The following PACSIN2 variants were observed in gnomAD, a reference collection of about 807,000 sequenced individuals.
The protein encoded by PACSIN2 is protein kinase C and casein kinase substrate in neurons protein 2.
In PACSIN2, 25 loss-of-function variants were observed where a neutral mutation model predicts 63.8. The ratio of observed to expected loss-of-function variants is 0.39; its 90% CI spans 0.29 to 0.55. PACSIN2 has a LOEUF of 0.55. Ranked by LOEUF, PACSIN2 falls within the 20% of genes least tolerant of loss-of-function variation. The pLI, the probability that PACSIN2 is intolerant of heterozygous loss-of-function variation, is 0.62. For missense variants in PACSIN2, 518 were observed against 646.9 expected (o/e 0.80, Z 2.16); for synonymous variants, 255 against 256.2 (o/e 1.00, Z 0.05).
intron 1 of PACSIN2, among the ~76,000 whole-genome samples, chr22:42,969,410 T>C (rs1401078182): frequency 6.6e-6 from 1 of 152,198 alleles, no homozygotes; most frequent in Non-Finnish European, 1.5e-5. Flanking sequence ...TGTTAAGGAA[T>C]ATTATTATTA....
intron 1 of PACSIN2, among the ~76,000 whole-genome samples, chr22:42,963,407 A>G (rs1012015483): frequency 6.6e-6 from 1 of 152,198 alleles, no homozygotes; most frequent in African/African-American, 2.4e-5. Context: ...GCGGCAAACA[A>G]CACGCAGGGC....
chr22:43,013,112 T>A (rs939421961), intron 1 of PACSIN2, among the ~76,000 whole-genome samples: 1 of 152,206 alleles, frequency 6.6e-6, no homozygotes, highest in Non-Finnish European at 1.5e-5. Context: ...AAATATCACA[T>A]CACAACTTCA....
At chr22:42,900,450 C>CAT (rs1930604426) in intron 2 of PACSIN2, among the ~76,000 whole-genome samples, 1 of 152,140 alleles carries the variant, frequency 6.6e-6, no homozygotes, top group African/African-American at 2.4e-5. Context: ...CCAGGGGATA[C>CAT]TATTAATGTC....
At chr22:42,953,039 G>A (rs1933767332) in intron 1 of PACSIN2, among the ~76,000 whole-genome samples, 1 of 152,022 alleles carries the variant, frequency 6.6e-6, no homozygotes, top group Admixed American at 6.6e-5. Context: ...GGAATGGTAA[G>A]CAAATATGCA....
chr22:42,876,949 A>G lies in PACSIN2; in HGVS notation c.1090T>C (p.Phe364Leu). Residue 364 changes from phenylalanine (F) to leucine (L), a missense_variant, in exon 9 of 11, where the codon TTC becomes CTC. Coordinates refer to ENST00000263246, the MANE Select transcript of PACSIN2 (RefSeq NM_001184970.3). ...SAQSQSSYNP[F>L]EDEDDTGSTV... ...CTGCCCGTGTCGTCCTCATCCTCGAAGGGGTTGTAGCTGGACTGTGACTGC... is the reference window on the plus strand; with the variant it reads ...CTGCCCGTGTCGTCCTCATCCTCGAGGGGGTTGTAGCTGGACTGTGACTGC... The G allele has an allele frequency of 1.2e-6, 2 of 1,614,058 alleles. No homozygotes were observed. The highest frequency in any genetic ancestry group is 2.2e-5 in the East Asian group (1 of 44,860).
At chr22:42,950,532 G>A in intron 1 of PACSIN2, among the ~76,000 whole-genome samples, 1 of 149,090 alleles carries the variant, frequency 6.7e-6, no homozygotes. Context: ...CTGCTGTCCA[G>A]GCACAGGCTC....
rs115857270 is a variant in PACSIN2 at position 42,872,026 on chromosome 22, T to C, written c.1349-557A>G. Among the ~76,000 whole-genome samples the C allele has an allele frequency of 3.1e-3, 467 of 152,356 alleles. 1 individual carries two copies. Among genetic ancestry groups the C allele is most frequent in the African/African-American group, 0.011 (447 of 41,580 alleles). On this transcript the variant is annotated intron_variant, in intron 10 of 10. Coordinates refer to ENST00000263246, the MANE Select transcript of PACSIN2 (RefSeq NM_001184970.3). The stretch of plus-strand genomic sequence containing the variant: ...TGTGCACGGTGCCATGTGTCAACCC[T>C]TCCTGAGACCCTGAGAAGGAGCCCC...
chr22:42,887,241 G>A (rs1415414580), intron 5 of PACSIN2, among the ~76,000 whole-genome samples: 1 of 152,218 alleles, frequency 6.6e-6, no homozygotes, highest in African/African-American at 2.4e-5. Flanking sequence ...CACTTGGTCT[G>A]AGTGACGAAC....
intron 1 of PACSIN2, among the ~76,000 whole-genome samples, chr22:42,940,205 C>A (rs1310292431): frequency 1.3e-5 from 2 of 152,158 alleles, no homozygotes; most frequent in Admixed American, 6.5e-5. Context: ...CATGCACGGG[C>A]TTAAAAACTC....
intron 1 of PACSIN2, among the ~76,000 whole-genome samples, chr22:42,932,916 G>T (rs1932811292): frequency 6.6e-6 from 1 of 152,100 alleles, no homozygotes; most frequent in South Asian, 2.1e-4. Flanking sequence ...TTTTGCTTTT[G>T]ATCTTCAAAA....
chr22:42,969,421 C>T (rs1335437672), intron 1 of PACSIN2, among the ~76,000 whole-genome samples: 1 of 152,240 alleles, frequency 6.6e-6, no homozygotes, highest in African/African-American at 2.4e-5. Flanking sequence ...ATTATTATTA[C>T]CCTGTTATTA....
intron 1 of PACSIN2, among the ~76,000 whole-genome samples, chr22:42,917,238 A>G (rs895740010): frequency 9.9e-5 from 15 of 152,214 alleles, no homozygotes; most frequent in Admixed American, 2.0e-4. Flanking sequence ...GCAGGCTGAC[A>G]GCAGTCATGC....
chr22:42,921,541 C>T (rs1932195988), intron 1 of PACSIN2, among the ~76,000 whole-genome samples: 1 of 152,054 alleles, frequency 6.6e-6, no homozygotes, highest in African/African-American at 2.4e-5. Context: ...CAGCCCTACC[C>T]TTTCATAAAG....
intron 3 of PACSIN2, among the ~76,000 whole-genome samples, chr22:42,893,091 A>C (rs911389826): frequency 6.6e-6 from 1 of 152,234 alleles, no homozygotes; most frequent in African/African-American, 2.4e-5. Context: ...CTACATGGCC[A>C]AGTTTAAAAA....
At chr22:42,975,457 A>AATAT (rs57140073) in intron 1 of PACSIN2, among the ~76,000 whole-genome samples, 9 of 140,750 alleles carry the variant, frequency 6.4e-5, no homozygotes, top group Middle Eastern at 3.6e-3. Context: ...AATATATACA[A>AATAT]ATATATATAT....
intron 2 of PACSIN2, among the ~76,000 whole-genome samples, chr22:42,895,679 T>G (rs1277961411): frequency 6.6e-6 from 1 of 152,262 alleles, no homozygotes; most frequent in East Asian, 1.9e-4. Context: ...TTTCCGTAAG[T>G]ACACATTTCA....
chr22:42,891,665 C>G (rs1050238560), intron 3 of PACSIN2, among the ~76,000 whole-genome samples: 5 of 152,214 alleles, frequency 3.3e-5, no homozygotes, highest in African/African-American at 1.2e-4. Context: ...CTCGGCCTCC[C>G]AAAGTGCAGG....
At chr22:42,878,284 A>G (rs1408940984) in intron 8 of PACSIN2, among the ~76,000 whole-genome samples, 1 of 152,224 alleles carries the variant, frequency 6.6e-6, no homozygotes, top group Admixed American at 6.5e-5. Context: ...CAGCGTGCAA[A>G]GCAGCGGAAT....
rs561215767 is a variant in PACSIN2 at position 42,934,346 on chromosome 22, C to T, written c.-77-22189G>A. Among the ~76,000 whole-genome samples, 7 of 152,368 alleles carry T rather than the reference C, an allele frequency of 4.6e-5. No individual in the cohort carries two copies. The South Asian group carries it at 1.4e-3, about 32-fold the overall frequency. On this transcript the variant is annotated intron_variant, in intron 1 of 10. Transcript: ENST00000263246. ...CGGGAAACGCAAGACCTTCAAGGCA[C>T]TGTGTGTGTGCAGATCGCCTTTTCC...
Sources: allele counts gnomAD v4.1 joint callset (sites outside exome capture counted in the v4.1 genomes callset), GRCh38; gene constraint gnomAD v4.1.1; transcripts MANE v1.5; gene names NCBI Gene and HGNC (gene_info 2026-07-23, HGNC 2026-07-21).